The following ARHGAP22 variants were observed in gnomAD, a reference collection of about 807,000 sequenced individuals.
The protein encoded by ARHGAP22 is Rho GTPase activating protein 22, also known as rho GTPase-activating protein 22.
ARHGAP22 carries 48 observed loss-of-function variants against 59.1 expected under a neutral mutation model. The ratio of observed to expected loss-of-function variants is 0.81; its 90% CI spans 0.64 to 1.03. The LOEUF (loss-of-function observed/expected upper bound fraction) is 1.03, where lower values mean the gene tolerates loss of function less well. ARHGAP22 is among the 50% of genes least tolerant of loss of function. ARHGAP22 has a pLI of 0.00. For synonymous variants in ARHGAP22, 445 were observed against 416.4 expected, an observed-to-expected ratio of 1.07 and a Z score of -0.84; for missense variants, 1,015 against 958.7, an observed-to-expected ratio of 1.06 and a Z score of -0.78.
intron 3 of ARHGAP22, chr10:48,532,681 C>G (rs527442662): frequency 9.3e-5 from 14 of 150,650 alleles, no homozygotes; most frequent in African/African-American, 3.4e-4. Context: ...GTTCCCCTTC[C>G]TGTGTCCAAG....
At chr10:48,485,325 A>C (rs980104544) in intron 3 of ARHGAP22, among the ~76,000 whole-genome samples, 3 of 152,160 alleles carry the variant, frequency 2.0e-5, no homozygotes, top group African/African-American at 7.2e-5. Flanking sequence ...ATTCAGTTCA[A>C]AATACCTTCT....
intron 3 of ARHGAP22, among the ~76,000 whole-genome samples, chr10:48,528,695 T>C (rs2134892439): frequency 6.6e-6 from 1 of 152,270 alleles, no homozygotes; most frequent in South Asian, 2.1e-4. Flanking sequence ...ATTTGGGTCA[T>C]GGGGCTGATT....
At chr10:48,648,076 T>C (rs149749713) in intron 1 of ARHGAP22, among the ~76,000 whole-genome samples, 2 of 152,200 alleles carry the variant, frequency 1.3e-5, no homozygotes, top group African/African-American at 2.4e-5. Flanking sequence ...AGGGAATTTT[T>C]TGAGGTGCCG....
intron 1 of ARHGAP22, among the ~76,000 whole-genome samples, chr10:48,624,624 G>A (rs2061386431): frequency 6.6e-6 from 1 of 152,124 alleles, no homozygotes; most frequent in Non-Finnish European, 1.5e-5. Context: ...TTCTCTTTTG[G>A]AAATTGCAGG....
downstream of ARHGAP22, among the ~76,000 whole-genome samples, chr10:48,441,613 G>A (rs2045204743): frequency 1.3e-5 from 2 of 152,054 alleles, no homozygotes; most frequent in Non-Finnish European, 1.5e-5. Flanking sequence ...CACCACACCC[G>A]GCTAATTTTT....
intron 5 of ARHGAP22, among the ~76,000 whole-genome samples, 183 bp downstream of exon 5, chr10:48,459,501 C>T (rs921598604): frequency 6.6e-6 from 1 of 152,168 alleles, no homozygotes; most frequent in African/African-American, 2.4e-5. Context: ...GGCAGGCATC[C>T]ATCCTGAGAG....
intron 1 of ARHGAP22, among the ~76,000 whole-genome samples, chr10:48,634,310 T>G (rs1356002680): frequency 1.3e-5 from 2 of 152,174 alleles, no homozygotes; most frequent in Non-Finnish European, 1.5e-5. Flanking sequence ...CTTCAGATCT[T>G]CTGCTTCCTC....
intron 1 of ARHGAP22, among the ~76,000 whole-genome samples, chr10:48,583,584 G>A (rs1051557758): frequency 3.3e-5 from 5 of 152,266 alleles, no homozygotes; most frequent in Middle Eastern, 3.4e-3. Flanking sequence ...GCATAGAACC[G>A]TTCTAGTTTT....
chr10:48,610,983 G>A (rs1234186747), intron 1 of ARHGAP22, among the ~76,000 whole-genome samples: 1 of 152,234 alleles, frequency 6.6e-6, no homozygotes, highest in Non-Finnish European at 1.5e-5. Context: ...GGGCTTTAGA[G>A]CTTGCAGACT....
At chr10:48,547,430 A>AGCCC (rs1231807589) in intron 3 of ARHGAP22, among the ~76,000 whole-genome samples, 3 of 152,220 alleles carry the variant, frequency 2.0e-5, no homozygotes, top group African/African-American at 7.2e-5. Flanking sequence ...GGCCCCAAGG[A>AGCCC]GCCCAGTGGG....
intron 3 of ARHGAP22, among the ~76,000 whole-genome samples, chr10:48,540,995 T>G (rs1452175940): frequency 6.6e-6 from 1 of 151,996 alleles, no homozygotes; most frequent in Non-Finnish European, 1.5e-5. Flanking sequence ...AATTTTAAGA[T>G]GCACACAGAG....
intron 3 of ARHGAP22, among the ~76,000 whole-genome samples, chr10:48,512,040 G>A (rs1296126306): frequency 6.6e-6 from 1 of 152,220 alleles, no homozygotes; most frequent in Non-Finnish European, 1.5e-5. Flanking sequence ...GTGGTGAGCA[G>A]GCTCTCTGCA....
At chr10:48,582,462 G>A (rs1218376865) in intron 2 of ARHGAP22, among the ~76,000 whole-genome samples, 1 of 152,198 alleles carries the variant, frequency 6.6e-6, no homozygotes, top group East Asian at 1.9e-4. Context: ...GTGCAATTTG[G>A]ATGAAAGGCA....
intron 9 of ARHGAP22, among the ~76,000 whole-genome samples, chr10:48,448,734 A>C (rs1220807769): frequency 6.6e-6 from 1 of 152,008 alleles, no homozygotes; most frequent in East Asian, 1.9e-4. Context: ...CCCTCCCTCT[A>C]ACCAAGACAA....
intron 5 of ARHGAP22, among the ~76,000 whole-genome samples, chr10:48,459,089 G>C (rs1285773091): frequency 6.6e-6 from 1 of 152,212 alleles, no homozygotes; most frequent in Non-Finnish European, 1.5e-5. Context: ...ATGGGTGGGG[G>C]CACTGTCAGG....
chr10:48,503,729 C>T (rs775185593), intron 3 of ARHGAP22, among the ~76,000 whole-genome samples: 4 of 152,254 alleles, frequency 2.6e-5, no homozygotes, highest in Admixed American at 2.6e-4. Context: ...CCTCCTCAGC[C>T]CAAGTCCTGC....
chr10:48,430,041 TACTTAAGAACCTTAAGTA>T, the ARHGAP22 span: 2 of 152,236 alleles, frequency 1.3e-5, no homozygotes, highest in African/African-American at 4.8e-5. Flanking sequence ...TCTGAATGTC[TACTTAAGAACCTTAAGTA>T]GACATTAAGA....
chr10:48,523,948 C>A, intron 3 of ARHGAP22: 2 of 968,976 alleles, frequency 2.1e-6, no homozygotes, highest in Non-Finnish European at 2.8e-6. Flanking sequence ...AAAGCTGAGG[C>A]AGGTGCGGGC....
chr10:48,610,294 G>A (rs540011360), intron 1 of ARHGAP22, among the ~76,000 whole-genome samples: 10 of 152,314 alleles, frequency 6.6e-5, no homozygotes, highest in Admixed American at 3.3e-4. Context: ...GGACAAAGAC[G>A]CAGAATTAGG....
Sources: allele counts gnomAD v4.1 joint callset (sites outside exome capture counted in the v4.1 genomes callset), GRCh38; gene constraint gnomAD v4.1.1; transcripts MANE v1.5; gene names NCBI Gene and HGNC (gene_info 2026-07-23, HGNC 2026-07-21).